The following APELA variants were observed in gnomAD, a reference collection of about 807,000 sequenced individuals.
The protein encoded by APELA is protein Elabela.
intron 2 of APELA, among the ~76,000 whole-genome samples, chr4:164,881,762 C>T (rs1730657165): frequency 6.6e-6 from 1 of 151,812 alleles, no homozygotes; most frequent in South Asian, 2.1e-4. Flanking sequence ...AGGCCAGGTC[C>T]AGTGGCTCAT....
At chr4:164,881,203 C>T (rs1730646640) in intron 2 of APELA, among the ~76,000 whole-genome samples, 1 of 152,134 alleles carries the variant, frequency 6.6e-6, no homozygotes, top group African/African-American at 2.4e-5. Flanking sequence ...TACTGTAAAC[C>T]TAGGTAGTGG....
chr4:164,884,048 A>C (rs1730712595), intron 2 of APELA, among the ~76,000 whole-genome samples: 1 of 151,368 alleles, frequency 6.6e-6, no homozygotes, highest in South Asian at 2.1e-4. Context: ...AAAAAAGGAA[A>C]GAAAGAAACA....
rs1730859115 is a variant in APELA, at chr4:164,890,496, G to T, written c.*2-4920G>T. ...AGATATTCCATATAAATGAATTCTTGTGATATGTGGTCTTTGTAATTAGCT... is the reference window on the plus strand; with the variant it reads ...AGATATTCCATATAAATGAATTCTTTTGATATGTGGTCTTTGTAATTAGCT... On this transcript the variant is annotated intron_variant, in intron 2 of 2. Coordinates refer to ENST00000507152, the MANE Select transcript of APELA (RefSeq NM_001297550.2). Among the ~76,000 whole-genome samples, 3 of 152,116 alleles carry T rather than the reference G, an allele frequency of 2.0e-5. No homozygotes were observed. The South Asian group carries it at 6.2e-4, about 32-fold the overall frequency.
intron 1 of APELA, among the ~76,000 whole-genome samples, chr4:164,877,896 A>G (rs917852409): frequency 6.6e-6 from 1 of 152,176 alleles, no homozygotes; most frequent in Non-Finnish European, 1.5e-5. Flanking sequence ...ATTTCTAATT[A>G]TGTAACTAGG....
intron 2 of APELA, among the ~76,000 whole-genome samples, chr4:164,883,647 T>A (rs1730703129): frequency 6.6e-6 from 1 of 151,884 alleles, no homozygotes; most frequent in Non-Finnish European, 1.5e-5. Context: ...CCAACGTGCT[T>A]GGCTAATTTT....
intron 2 of APELA, among the ~76,000 whole-genome samples, chr4:164,893,314 CTT>C (rs1475143687): frequency 6.6e-6 from 1 of 152,146 alleles, no homozygotes; most frequent in Non-Finnish European, 1.5e-5. Context: ...AAAATACTCT[CTT>C]ATTTCCCTTC....
At chr4:164,893,661 C>A (rs1029438971) in intron 2 of APELA, among the ~76,000 whole-genome samples, 2 of 152,264 alleles carry the variant, frequency 1.3e-5, no homozygotes, top group East Asian at 3.9e-4. Flanking sequence ...CATGATATCT[C>A]TTTTTCCATC....
At chr4:164,898,181 G>A (rs901208521), downstream of APELA, among the ~76,000 whole-genome samples, 1 of 151,648 alleles carries the variant, frequency 6.6e-6, no homozygotes, top group Non-Finnish European at 1.5e-5. Flanking sequence ...GTGAGCCACT[G>A]CACCCAGCCT....
intron 2 of APELA, among the ~76,000 whole-genome samples, chr4:164,887,874 AGTACTGG>A (rs1730803668): frequency 6.6e-6 from 1 of 152,178 alleles, no homozygotes; most frequent in African/African-American, 2.4e-5. Flanking sequence ...GGCCTCCCAA[AGTACTGG>A]GATTACAGGC....
chr4:164,879,477 C>T (rs1440483092), intron 2 of APELA, among the ~76,000 whole-genome samples: 1 of 152,106 alleles, frequency 6.6e-6, no homozygotes, highest in East Asian at 1.9e-4. Context: ...CAGGGTCTTG[C>T]TCTGTCACCC....
chr4:164,891,019 T>C (rs1730872062), intron 2 of APELA, among the ~76,000 whole-genome samples: 1 of 152,182 alleles, frequency 6.6e-6, no homozygotes, highest in Non-Finnish European at 1.5e-5. Flanking sequence ...TATTTGTGTC[T>C]CTTTGGAGAA....
At chr4:164,879,741 C>T (rs1416503769) in intron 2 of APELA, among the ~76,000 whole-genome samples, 3 of 152,148 alleles carry the variant, frequency 2.0e-5, no homozygotes, top group African/African-American at 7.2e-5. Flanking sequence ...CACCACACTT[C>T]ATATTCCTAT....
intron 2 of APELA, among the ~76,000 whole-genome samples, chr4:164,888,586 A>G (rs574005039): frequency 6.6e-6 from 1 of 152,294 alleles, no homozygotes; most frequent in South Asian, 2.1e-4. Flanking sequence ...TCAAAGCATT[A>G]ATATAGGAGC....
At chr4:164,897,946 A>T (rs1731005301), downstream of APELA, among the ~76,000 whole-genome samples, 1 of 152,148 alleles carries the variant, frequency 6.6e-6, no homozygotes, top group Non-Finnish European at 1.5e-5. Context: ...GCAGGAGCTC[A>T]GTGGCGTGCT....
chr4:164,887,755 G>A (rs1730801507), intron 2 of APELA, among the ~76,000 whole-genome samples: 1 of 151,928 alleles, frequency 6.6e-6, no homozygotes, highest in Non-Finnish European at 1.5e-5. Context: ...GGGATTACAA[G>A]CATGCGCCAC....
At chr4:164,882,004 C>T (rs1384343611) in intron 2 of APELA, among the ~76,000 whole-genome samples, 1 of 152,090 alleles carries the variant, frequency 6.6e-6, no homozygotes, top group East Asian at 1.9e-4. Context: ...TGATTATGCA[C>T]TCCAGCCTAG....
rs1161348120 is a variant in APELA at position 164,878,946 on chromosome 4, C to T, written c.103C>T (p.Arg35Cys). The T allele has an allele frequency of 7.5e-6, 3 of 398,942 alleles. No individual in the cohort carries two copies. The highest frequency in any genetic ancestry group is 1.3e-4 in the South Asian group (1 of 7,862). The allele number at this position is 398,942 out of a possible 1,614,324, so 24.7% of individuals were successfully genotyped here. ...PVNLTMRRKL[R>C]KHNCLQRRCM... ...TAATTTGACCATGAGAAGAAAACTG[C>T]GCAAACACAATTGCCTTCAGAGGAG... Residue 35 changes from arginine (R) to cysteine (C), a missense_variant, in exon 2 of 3, where the codon CGC (arginine) becomes TGC (cysteine). Physicochemically the swap from Arg to Cys is radical, Grantham distance 180. Coordinates refer to ENST00000507152, the MANE Select transcript of APELA (RefSeq NM_001297550.2).
intron 2 of APELA, among the ~76,000 whole-genome samples, chr4:164,893,971 A>T (rs1730925869): frequency 6.6e-6 from 1 of 152,090 alleles, no homozygotes; most frequent in Admixed American, 6.6e-5. Context: ...CCGAAAAAAA[A>T]AATAATAAAA....
At chr4:164,885,394 G>A (rs570629587) in intron 2 of APELA, among the ~76,000 whole-genome samples, 1 of 150,772 alleles carries the variant, frequency 6.6e-6, no homozygotes, top group Non-Finnish European at 1.5e-5. Context: ...GCCTCCCAAA[G>A]TGCTAGGGTT....
Sources: gnomAD v4.1 joint callset for allele counts (sites outside exome capture counted in the v4.1 genomes callset) on GRCh38, gnomAD v4.1.1 for gene constraint, MANE v1.5 for transcripts, NCBI Gene and HGNC (gene_info 2026-07-23, HGNC 2026-07-21) for gene names.